The following ZCCHC17 variants were observed in gnomAD, a reference collection of about 807,000 sequenced individuals.
ZCCHC17 encodes the protein zinc finger CCHC-type containing 17, also known as zinc finger CCHC domain-containing protein 17.
In ZCCHC17, 18 loss-of-function variants were observed where a neutral mutation model predicts 30.6. That is an observed-to-expected ratio of 0.59 (90% CI 0.41 to 0.87). ZCCHC17 has a LOEUF of 0.87. Ranked by LOEUF, ZCCHC17 falls within the 40% of genes least tolerant of loss-of-function variation. The pLI is 0.00. For synonymous variants in ZCCHC17, 88 were observed against 92.4 expected, an observed-to-expected ratio of 0.95 and a Z score of 0.27; for missense variants, 263 against 284.2, an observed-to-expected ratio of 0.93 and a Z score of 0.54.
In ZCCHC17 at chr1:31,350,854, C is replaced by T. The variant is rs186382323; in HGVS notation, c.564+1880C>T. ...TGACCTCAAGTGATCCGCCTGCCTT[C>T]GCCTCCCAAAGTGTTGGGATTACAG... On this transcript the variant is annotated intron_variant, in intron 7 of 7. Coordinates refer to ENST00000344147, the MANE Select transcript of ZCCHC17 (RefSeq NM_016505.4). Among the ~76,000 whole-genome samples the T allele has an allele frequency of 5.7e-4, 86 of 152,176 alleles. 1 individual carries two copies. In the East Asian group the frequency reaches 0.013, roughly 23 times the overall value.
At chr1:31,305,033 T>C (rs752970920) in intron 1 of ZCCHC17, among the ~76,000 whole-genome samples, 2 of 152,204 alleles carry the variant, frequency 1.3e-5, no homozygotes, top group Non-Finnish European at 2.9e-5. Context: ...ACTCCCCCTT[T>C]CACTGTGGCC....
At chr1:31,351,203 T>A (rs1288251208) in intron 7 of ZCCHC17, among the ~76,000 whole-genome samples, 1 of 152,208 alleles carries the variant, frequency 6.6e-6, no homozygotes, top group African/African-American at 2.4e-5. Context: ...CCAATGTCAT[T>A]TATTTTCCTC....
intron 3 of ZCCHC17, among the ~76,000 whole-genome samples, chr1:31,332,685 C>T (rs1638638521): frequency 6.6e-6 from 1 of 151,252 alleles, no homozygotes; most frequent in Admixed American, 6.6e-5. Context: ...CTTGCTTTGT[C>T]ACCAGGCTGG....
intron 3 of ZCCHC17, among the ~76,000 whole-genome samples, chr1:31,325,582 C>T (rs1489261556): frequency 6.6e-6 from 1 of 152,226 alleles, no homozygotes; most frequent in Non-Finnish European, 1.5e-5. Flanking sequence ...CCTGGCTGTG[C>T]ACAGTGGCTG....
At chr1:31,361,231 C>T in intron 7 of ZCCHC17, among the ~76,000 whole-genome samples, 1 of 152,168 alleles carries the variant, frequency 6.6e-6, no homozygotes, top group East Asian at 1.9e-4. Context: ...TCTCTCTACT[C>T]CATTGGAGAT....
intron 2 of ZCCHC17, among the ~76,000 whole-genome samples, chr1:31,314,361 A>G (rs544248445): frequency 6.6e-6 from 1 of 152,158 alleles, no homozygotes; most frequent in South Asian, 2.1e-4. Context: ...AATTGGAAAG[A>G]AGAAACTTTT....
At chr1:31,325,594 A>T (rs1569823642) in intron 3 of ZCCHC17, among the ~76,000 whole-genome samples, 1 of 152,260 alleles carries the variant, frequency 6.6e-6, no homozygotes, top group African/African-American at 2.4e-5. Flanking sequence ...CAGTGGCTGG[A>T]CCCCATGCTC....
intron 3 of ZCCHC17, among the ~76,000 whole-genome samples, chr1:31,333,593 C>G (rs1638682818): frequency 6.6e-6 from 1 of 152,080 alleles, no homozygotes; most frequent in African/African-American, 2.4e-5. Flanking sequence ...CTCTCACTGA[C>G]TCTTAGATAT....
Position 31,357,245 on chromosome 1 carries a change from T to C in ZCCHC17, c.565-6787T>C, listed in dbSNP as rs1639676984. On this transcript the variant is annotated intron_variant, in intron 7 of 7. Transcript: ENST00000344147. ...CAGAGAACTTCTTCTGGTGCCTATA[T>C]AGAGAAAGGTTGCCAGTCCTGAGCC... 2.6e-5 allele frequency among the ~76,000 whole-genome samples: 4 copies of C among 152,244 alleles called. No individual in the cohort carries two copies. The South Asian group carries it at 6.2e-4, about 24-fold the overall frequency.
At chr1:31,318,527 C>T (rs1375376274) in intron 2 of ZCCHC17, among the ~76,000 whole-genome samples, 3 of 152,102 alleles carry the variant, frequency 2.0e-5, no homozygotes, top group Non-Finnish European at 4.4e-5. Context: ...TTTTCAGGTT[C>T]TGTCAGATGT....
chr1:31,340,315 G>GTTTTTTTTTTTT (rs71028757), intron 5 of ZCCHC17, among the ~76,000 whole-genome samples: 1 of 95,092 alleles, frequency 1.1e-5, no homozygotes, highest in Non-Finnish European at 2.1e-5. Flanking sequence ...ATCTTGGAGG[G>GTTTTTTTTTTTT]TTTTTTTTTT....
intron 7 of ZCCHC17, 103 bp from the exon 8 acceptor site, chr1:31,363,929 C>T (rs1053699590): frequency 3.4e-6 from 5 of 1,478,462 alleles, no homozygotes; most frequent in African/African-American, 2.8e-5. Context: ...TCCCAAAGTA[C>T]TAGGATTACA....
At chr1:31,343,799 C>A (rs145119390) in intron 5 of ZCCHC17, among the ~76,000 whole-genome samples, 1 of 150,442 alleles carries the variant, frequency 6.6e-6, no homozygotes, top group East Asian at 1.9e-4. Context: ...CCTCCTTCAG[C>A]CTCCCAAGTA....
intron 3 of ZCCHC17, among the ~76,000 whole-genome samples, chr1:31,328,191 G>C (rs1638435156): frequency 6.6e-6 from 1 of 152,124 alleles, no homozygotes; most frequent in Admixed American, 6.5e-5. Context: ...TGTTATTATT[G>C]TTAATCTATT....
chr1:31,329,048 T>TAAAA (rs1156938250), intron 3 of ZCCHC17, among the ~76,000 whole-genome samples: 13 of 152,290 alleles, frequency 8.5e-5, no homozygotes, highest in South Asian at 4.1e-4. Flanking sequence ...GTCTTTCTGG[T>TAAAA]GACTAGTCCA....
At chr1:31,357,154 A>G (rs1453056005) in intron 7 of ZCCHC17, among the ~76,000 whole-genome samples, 1 of 152,184 alleles carries the variant, frequency 6.6e-6, no homozygotes, top group Non-Finnish European at 1.5e-5. Context: ...CTGCTGTACC[A>G]TATATAGAAG....
chr1:31,337,150 C>T (rs749561571), intron 3 of ZCCHC17, 25 bp from the exon 4 acceptor site: 29 of 1,599,114 alleles, frequency 1.8e-5, no homozygotes, highest in Middle Eastern at 1.7e-4. Flanking sequence ...CTCTGCTTTA[C>T]GTTATTTCTT....
intron 7 of ZCCHC17, among the ~76,000 whole-genome samples, chr1:31,353,093 G>A (rs763421352): frequency 2.0e-5 from 3 of 152,038 alleles, no homozygotes; most frequent in Non-Finnish European, 4.4e-5. Flanking sequence ...ATCTCATTGT[G>A]GTTTTGATTT....
intron 7 of ZCCHC17, among the ~76,000 whole-genome samples, chr1:31,350,719 C>A (rs1020371356): frequency 6.6e-6 from 1 of 152,170 alleles, no homozygotes; most frequent in African/African-American, 2.4e-5. Context: ...CCTGCCTCAG[C>A]CTCCTGAGTA....
Sources: gnomAD v4.1 joint callset for allele counts (sites outside exome capture counted in the v4.1 genomes callset) on GRCh38, gnomAD v4.1.1 for gene constraint, MANE v1.5 for transcripts, NCBI Gene and HGNC (gene_info 2026-07-23, HGNC 2026-07-21) for gene names.